The following GRIN2B variants were observed in gnomAD, a reference collection of about 807,000 sequenced individuals.
GRIN2B encodes glutamate ionotropic receptor NMDA type subunit 2B.
A neutral mutation model predicts 114.5 loss-of-function variants in GRIN2B; 5 were observed. The observed-to-expected ratio is 0.04, with a 90% CI of 0.02 to 0.09. The LOEUF is 0.09. Among genes scored for constraint, GRIN2B ranks in the 10% least tolerant of loss-of-function variants. GRIN2B has a pLI of 1.00. For missense variants in GRIN2B, 1,108 were observed against 1,943.5 expected, an observed-to-expected ratio of 0.57 and a Z score of 8.08; for synonymous variants, 787 against 745.1, an observed-to-expected ratio of 1.06 and a Z score of -0.92.
chr12:13,739,603 A>T (rs1290633757), intron 4 of GRIN2B, among the ~76,000 whole-genome samples: 3 of 152,016 alleles, frequency 2.0e-5, no homozygotes, highest in Admixed American at 2.0e-4. Context: ...ACTTCTGAGC[A>T]CTCAGTAGGT....
intron 10 of GRIN2B, among the ~76,000 whole-genome samples, chr12:13,576,022 G>T (rs1029384267): frequency 3.3e-5 from 5 of 152,140 alleles, no homozygotes; most frequent in Non-Finnish European, 7.4e-5. Context: ...TCTCTAATTT[G>T]TTCCTTAAAC....
chr12:13,970,686 AACACACACACACACAC>A (rs5796570), intron 2 of GRIN2B, among the ~76,000 whole-genome samples: 5 of 145,052 alleles, frequency 3.4e-5, no homozygotes, highest in Non-Finnish European at 7.5e-5. Context: ...GCAGGCTCTA[AACACACACACACACAC>A]ACACACACAC....
intron 2 of GRIN2B, among the ~76,000 whole-genome samples, chr12:13,893,125 T>C (rs1407050601): frequency 2.0e-5 from 3 of 152,208 alleles, no homozygotes; most frequent in Admixed American, 2.0e-4. Context: ...ATTATCTAAG[T>C]AAATTTGATT....
chr12:13,759,891 C>T (rs73053638), intron 3 of GRIN2B, among the ~76,000 whole-genome samples: 2 of 152,208 alleles, frequency 1.3e-5, no homozygotes. Context: ...GCTCCATGCA[C>T]TCTGATCTGT....
chr12:13,972,001 A>G (rs1862931572), intron 2 of GRIN2B, among the ~76,000 whole-genome samples: 1 of 152,152 alleles, frequency 6.6e-6, no homozygotes, highest in African/African-American at 2.4e-5. Context: ...TAACAGTGAC[A>G]AGGTCTTACC....
At chr12:13,585,952 T>C (rs751745419) in intron 10 of GRIN2B, among the ~76,000 whole-genome samples, 2 of 152,238 alleles carry the variant, frequency 1.3e-5, no homozygotes. Context: ...TTAGGACTAA[T>C]GGGATGCCAG....
chr12:13,743,236 C>T (rs1368784241), intron 4 of GRIN2B, among the ~76,000 whole-genome samples: 2 of 152,196 alleles, frequency 1.3e-5, no homozygotes, highest in Non-Finnish European at 2.9e-5. Context: ...AGTTTTGTGT[C>T]AGGGATTTTA....
intron 2 of GRIN2B, among the ~76,000 whole-genome samples, chr12:13,901,552 A>T (rs1866453463): frequency 6.6e-6 from 1 of 152,118 alleles, no homozygotes; most frequent in Admixed American, 6.5e-5. Context: ...AGCATTTTTT[A>T]AATTAAATTA....
intron 2 of GRIN2B, among the ~76,000 whole-genome samples, chr12:13,920,380 C>T (rs1477983070): frequency 6.6e-6 from 1 of 152,040 alleles, no homozygotes; most frequent in Non-Finnish European, 1.5e-5. Context: ...TTTAACTTCT[C>T]AAGGAAAAAA....
intron 10 of GRIN2B, among the ~76,000 whole-genome samples, chr12:13,594,776 T>C (rs921222351): frequency 1.3e-5 from 2 of 151,888 alleles, no homozygotes; most frequent in African/African-American, 4.8e-5. Flanking sequence ...GGGAAACTCA[T>C]CTTGGAGCAT....
rs1948591192 is a variant in GRIN2B, at chr12:13,563,822, G to T, written c.3416C>A (p.Thr1139Lys). ...CTCCCAGTGGGGTGAGTTCTCCTTT[G>T]TTCGGAACTGGTCCAGGTAGAAGTC... is the stretch of plus-strand genomic sequence containing the variant. ...LRDFYLDQFRTKENSPHWEHV... is the reference protein window; with the variant it reads ...LRDFYLDQFRKKENSPHWEHV... Residue 1139 changes from threonine to lysine, a missense_variant, in exon 14 of 14, where the codon ACA becomes AAA. Thr to Lys is a moderately conservative substitution (Grantham distance 78). Transcript: ENST00000609686. 1 of 1,614,164 alleles carries T rather than the reference G, an allele frequency of 6.2e-7. No individual in the cohort carries two copies. Among genetic ancestry groups the T allele is most frequent in the African/African-American group, 1.3e-5 (1 of 75,058 alleles).
chr12:13,595,739 G>C (rs1949064659), intron 10 of GRIN2B, among the ~76,000 whole-genome samples: 1 of 152,136 alleles, frequency 6.6e-6, no homozygotes, highest in Admixed American at 6.5e-5. Flanking sequence ...TTGTTCTTCA[G>C]CACTTGAATA....
At chr12:13,815,783 C>T (rs1163825557) in intron 3 of GRIN2B, among the ~76,000 whole-genome samples, 1 of 152,160 alleles carries the variant, frequency 6.6e-6, no homozygotes, top group Non-Finnish European at 1.5e-5. Context: ...TTTTCTTTCT[C>T]CCATTCTAAA....
intron 3 of GRIN2B, among the ~76,000 whole-genome samples, chr12:13,808,799 G>C (rs1237694517): frequency 6.7e-6 from 1 of 148,968 alleles, no homozygotes; most frequent in East Asian, 2.0e-4. Context: ...TGACTGAGGG[G>C]GTTCCCGAGC....
At chr12:13,832,624 T>G (rs1379744926) in intron 3 of GRIN2B, among the ~76,000 whole-genome samples, 2 of 152,218 alleles carry the variant, frequency 1.3e-5, no homozygotes. Flanking sequence ...ATTTTCCTAT[T>G]TCATTATTAT....
chr12:13,838,863 T>G (rs759137022), intron 3 of GRIN2B, among the ~76,000 whole-genome samples: 3 of 152,174 alleles, frequency 2.0e-5, no homozygotes, highest in Non-Finnish European at 4.4e-5. Flanking sequence ...CAAAGCAGCA[T>G]AAATCTGCCT....
chr12:13,758,878 T>A (rs2136634608), intron 3 of GRIN2B, among the ~76,000 whole-genome samples: 1 of 152,322 alleles, frequency 6.6e-6, no homozygotes, highest in East Asian at 1.9e-4. Flanking sequence ...CTTGTTCATC[T>A]CTAGATCCCT....
intron 10 of GRIN2B, among the ~76,000 whole-genome samples, chr12:13,573,993 A>G (rs1020416524): frequency 2.0e-5 from 3 of 152,190 alleles, no homozygotes; most frequent in Non-Finnish European, 2.9e-5. Flanking sequence ...GATTATTTTG[A>G]AAGGGGTTAT....
intron 4 of GRIN2B, among the ~76,000 whole-genome samples, chr12:13,745,171 T>A (rs1026914975): frequency 6.6e-6 from 1 of 152,148 alleles, no homozygotes; most frequent in African/African-American, 2.4e-5. Context: ...TAAGTTGACC[T>A]TGCACAGCTG....
Sources: allele counts gnomAD v4.1 joint callset (sites outside exome capture counted in the v4.1 genomes callset), GRCh38; gene constraint gnomAD v4.1.1; transcripts MANE v1.5; gene names NCBI Gene and HGNC (gene_info 2026-07-23, HGNC 2026-07-21).